Variants in NCOR1 observed in about 807,000 individuals in gnomAD.
NCOR1 encodes nuclear receptor corepressor 1, also known as protein phosphatase 1, regulatory subunit 109.
A neutral mutation model predicts 288.1 loss-of-function variants in NCOR1; 63 were observed. The observed-to-expected ratio is 0.22, with a 90% CI of 0.18 to 0.27. NCOR1 has a LOEUF of 0.27. NCOR1 is among the 10% of genes least tolerant of loss of function. The pLI is 1.00. For missense variants in NCOR1, 2,397 were observed against 3,019.2 expected (o/e 0.79, Z 4.83); for synonymous variants, 1,007 against 1,065.9 (o/e 0.94, Z 1.08).
chr17:16,048,871 C>A lies in NCOR1; in HGVS notation c.6510G>T (p.Gln2170His). 1 of 1,613,718 alleles carries A rather than the reference C, an allele frequency of 6.2e-7. No individual in the cohort carries two copies. The highest frequency in any genetic ancestry group is 8.5e-7 in the Non-Finnish European group (1 of 1,179,716). Residue 2170 changes from glutamine to histidine, a missense_variant, in exon 41 of 46, where the codon CAG becomes CAT. By Grantham distance (24) the Gln-to-His change is conservative. Transcript: ENST00000268712. ...TCTGCTCTGCAGGCTCTGCGCCCCT[C>A]TGAGACAAGAGCAGCAAGCTGTCCT... The part of the protein sequence containing the change: ...EKQDSLLLLS[Q>H]RGAEPAEQRN...
Position 16,080,529 on chromosome 17 carries a change from CAT to C in NCOR1, c.3299-22_3299-21del, listed in dbSNP as rs147790941. ...AAGTAGCTGTGGAAAGGCAGAGAAA[CAT>C]GAAACAATCCAGTACTAAATTACTG... On this transcript the variant is annotated intron_variant, in intron 24 of 45. Transcript: ENST00000268712. The C allele has an allele frequency of 0.025, 39,808 of 1,613,968 alleles. 627 individuals are homozygous for C. Among genetic ancestry groups the C allele is most frequent in the Non-Finnish European group, 0.03 (35,282 of 1,179,942 alleles).
At chr17:16,197,528 T>C (rs559033856) in intron 1 of NCOR1, among the ~76,000 whole-genome samples, 3 of 152,264 alleles carry the variant, frequency 2.0e-5, no homozygotes, top group South Asian at 2.1e-4. Flanking sequence ...ATCTTAAGGA[T>C]TGTAAGGTTG....
At position 16,149,302 on chromosome 17, in the gene NCOR1, T is replaced by TATATATAC. The variant is rs2078503723; in HGVS notation, c.909+148_909+149insGTATATAT. 1.5e-5 allele frequency: 3 copies of TATATATAC among 202,540 alleles called. No homozygotes were observed. The Admixed American group carries it at 1.8e-4, about 12-fold the overall frequency. The allele number at this position is 202,540 out of a possible 1,614,324, so 12.5% of individuals were successfully genotyped here. A position where few individuals can be genotyped will look rare whatever the true frequency, so the allele number is the denominator to read the frequency against. The stretch of plus-strand genomic sequence containing the variant: ...GAATTAGATTTAAGTCATATATATA[T>TATATATAC]ATATATATATATATGGTTACTTTCT... On this transcript the variant is annotated intron_variant, in intron 9 of 45. Transcript: ENST00000268712.
chr17:16,150,584 TA>T (rs1400276827), intron 8 of NCOR1, among the ~76,000 whole-genome samples: 9 of 152,004 alleles, frequency 5.9e-5, no homozygotes, highest in Non-Finnish European at 5.9e-5. Flanking sequence ...CCATCTAGGA[TA>T]GTGTGCTGAG....
At chr17:16,095,263 TCTGGGAGGTGAGGAGCGTCTCTGCCC>T (rs1314397018) in intron 21 of NCOR1, among the ~76,000 whole-genome samples, 3 of 143,912 alleles carry the variant, frequency 2.1e-5, no homozygotes, top group African/African-American at 7.9e-5. Context: ...CGCGACCCCG[TCTGGGAGGTGAGGAGCGTCTCTGCCC>T]GGCCGCCCCG....
chr17:16,141,721 T>C (rs2077184425), intron 11 of NCOR1, among the ~76,000 whole-genome samples: 1 of 152,208 alleles, frequency 6.6e-6, no homozygotes, highest in Non-Finnish European at 1.5e-5. Context: ...AGCAACTTGA[T>C]GGTTTAATTT....
chr17:16,066,216 CCATTTCG>C (rs1331265864), intron 32 of NCOR1, among the ~76,000 whole-genome samples: 1 of 152,132 alleles, frequency 6.6e-6, no homozygotes, highest in Non-Finnish European at 1.5e-5. Flanking sequence ...GCTTTGTGGG[CCATTTCG>C]CATTTGTCAC....
At chr17:16,057,275 C>A in intron 40 of NCOR1, 1 of 499,572 alleles carries the variant, frequency 2.0e-6, no homozygotes, top group Non-Finnish European at 3.6e-6. Flanking sequence ...ACTGTCTTTA[C>A]AAACCAACAA....
intron 3 of NCOR1, among the ~76,000 whole-genome samples, chr17:16,175,809 A>G (rs2084043367): frequency 1.3e-5 from 2 of 150,500 alleles, no homozygotes; most frequent in South Asian, 4.2e-4. Context: ...ACTTGAACCC[A>G]GGAGTTTAGA....
intron 44 of NCOR1, among the ~76,000 whole-genome samples, chr17:16,037,460 C>T (rs905304638): frequency 2.0e-5 from 3 of 151,884 alleles, no homozygotes; most frequent in African/African-American, 7.3e-5. Context: ...TAAAAGAAAG[C>T]CAGGATTTCA....
intron 14 of NCOR1, among the ~76,000 whole-genome samples, chr17:16,136,220 C>T (rs1281228524): frequency 6.6e-6 from 1 of 152,216 alleles, no homozygotes; most frequent in African/African-American, 2.4e-5. Context: ...AGGTCTTGCT[C>T]TGTCACTCAG....
intron 26 of NCOR1, among the ~76,000 whole-genome samples, chr17:16,078,884 G>A (rs965588113): frequency 6.6e-6 from 1 of 152,114 alleles, no homozygotes; most frequent in African/African-American, 2.4e-5. Context: ...TAAAAAGAGA[G>A]ATTTTAAGAG....
At position 16,127,293 on chromosome 17, in the gene NCOR1, GTATGTATGTATATATACATGTA is replaced by G. The variant is rs1568195184; in HGVS notation, c.1510-1109_1510-1088del. On this transcript the variant is annotated intron_variant, in intron 14 of 45. Coordinates refer to ENST00000268712, the MANE Select transcript of NCOR1 (RefSeq NM_006311.4). ...TGTATGTATATATACGTGTATATAT[GTATGTATGTATATATACATGTA>G]TGTATATATGTATGTATATATACAT... Among the ~76,000 whole-genome samples the G allele has an allele frequency of 3.3e-3, 202 of 61,470 alleles. 57 individuals are homozygous for G. Among genetic ancestry groups the G allele is most frequent in the African/African-American group, 0.012 (192 of 15,602 alleles). 40.3% of individuals were successfully genotyped at this position (61,470 alleles called of 152,430 possible).
chr17:16,185,620 T>G (rs1251866863), intron 3 of NCOR1, among the ~76,000 whole-genome samples: 1 of 138,624 alleles, frequency 7.2e-6, no homozygotes, highest in Non-Finnish European at 1.5e-5. Flanking sequence ...GAGACGGAGG[T>G]TGCAGTGAGC....
chr17:16,213,822 A>G (rs2092347268), intron 1 of NCOR1, among the ~76,000 whole-genome samples: 2 of 152,238 alleles, frequency 1.3e-5, no homozygotes, highest in South Asian at 4.1e-4. Context: ...AGCAAGAATC[A>G]AGATACTTTG....
intron 21 of NCOR1, among the ~76,000 whole-genome samples, chr17:16,094,296 T>C (rs1358283470): frequency 6.6e-6 from 1 of 152,186 alleles, no homozygotes; most frequent in Non-Finnish European, 1.5e-5. Flanking sequence ...GAACATTATC[T>C]TAAACTAATC....
At chr17:16,095,164 G>C (rs563585741) in intron 21 of NCOR1, among the ~76,000 whole-genome samples, 1 of 151,136 alleles carries the variant, frequency 6.6e-6, no homozygotes, top group Non-Finnish European at 1.5e-5. Context: ...AGTGAGGAAC[G>C]TCTCTGCCCG....
At chr17:16,094,513 T>C (rs1215915259) in intron 21 of NCOR1, among the ~76,000 whole-genome samples, 2 of 151,812 alleles carry the variant, frequency 1.3e-5, no homozygotes, top group African/African-American at 2.4e-5. Flanking sequence ...TAAAGAAAAA[T>C]TGAGAGTGTT....
chr17:16,115,485 C>T (rs2071397807), intron 18 of NCOR1, among the ~76,000 whole-genome samples: 1 of 152,174 alleles, frequency 6.6e-6, no homozygotes, highest in Non-Finnish European at 1.5e-5. Flanking sequence ...TGCTCTGCTT[C>T]CCTCATAAAA....
Sources: gnomAD v4.1 joint callset for allele counts (sites outside exome capture counted in the v4.1 genomes callset) on GRCh38, gnomAD v4.1.1 for gene constraint, MANE v1.5 for transcripts, NCBI Gene and HGNC (gene_info 2026-07-23, HGNC 2026-07-21) for gene names.